The following PTPRT variants were observed in gnomAD, a reference collection of about 807,000 sequenced individuals.
The protein encoded by PTPRT is protein tyrosine phosphatase receptor type T, also known as receptor-type tyrosine-protein phosphatase T.
Under a neutral mutation model 176.8 loss-of-function variants are expected in PTPRT, and 56 were observed. The ratio of observed to expected loss-of-function variants is 0.32; its 90% CI spans 0.26 to 0.40. PTPRT has a LOEUF of 0.40. Among genes scored for constraint, PTPRT ranks in the 10% least tolerant of loss-of-function variants. The pLI, the probability that PTPRT is intolerant of heterozygous loss-of-function variation, is 1.00. For missense variants in PTPRT, 1,540 were observed against 1,908.2 expected (o/e 0.81, Z 3.60); for synonymous variants, 783 against 739.0 (o/e 1.06, Z -0.96).
At chr20:42,778,732 G>A (rs1044770569) in intron 4 of PTPRT, among the ~76,000 whole-genome samples, 4 of 152,320 alleles carry the variant, frequency 2.6e-5, no homozygotes, top group African/African-American at 7.2e-5. Flanking sequence ...CGAGTCCAGG[G>A]TGGGGAATAT....
intron 1 of PTPRT, among the ~76,000 whole-genome samples, chr20:42,902,584 A>G (rs891834564): frequency 1.3e-5 from 2 of 152,210 alleles, no homozygotes; most frequent in Middle Eastern, 3.2e-3. Context: ...TGCCCACTCA[A>G]TAATCCGGAA....
chr20:42,890,889 GT>G (rs1241183571), intron 1 of PTPRT, among the ~76,000 whole-genome samples: 1 of 152,112 alleles, frequency 6.6e-6, no homozygotes, highest in Non-Finnish European at 1.5e-5. Context: ...CATAGGGGTG[GT>G]TTCCCCCATA....
At chr20:42,679,352 G>A (rs1225288122) in intron 6 of PTPRT, among the ~76,000 whole-genome samples, 2 of 151,542 alleles carry the variant, frequency 1.3e-5, no homozygotes, top group African/African-American at 4.8e-5. Context: ...CAAGGTCATG[G>A]AGAAGGTAGT....
chr20:42,427,952 C>A (rs1347953090), intron 9 of PTPRT, among the ~76,000 whole-genome samples: 2 of 152,196 alleles, frequency 1.3e-5, no homozygotes, highest in Admixed American at 1.3e-4. Context: ...TTTTCCATTA[C>A]CTTCCCAAAT....
At chr20:42,198,597 T>G (rs1270109590) in intron 16 of PTPRT, among the ~76,000 whole-genome samples, 1 of 152,206 alleles carries the variant, frequency 6.6e-6, no homozygotes, top group Non-Finnish European at 1.5e-5. Context: ...CTTCTTAGGA[T>G]AAGGGTTAAC....
At chr20:42,162,172 A>C (rs529407543) in intron 16 of PTPRT, among the ~76,000 whole-genome samples, 1 of 152,082 alleles carries the variant, frequency 6.6e-6, no homozygotes, top group African/African-American at 2.4e-5. Context: ...CCTTCTTGCT[A>C]TTGTATAGTT....
At chr20:42,570,891 A>C (rs2073141242) in intron 7 of PTPRT, among the ~76,000 whole-genome samples, 2 of 143,354 alleles carry the variant, frequency 1.4e-5, no homozygotes, top group Admixed American at 1.4e-4. Flanking sequence ...CCTTTTTTGC[A>C]GTGTAAGGCA....
chr20:42,552,294 G>A (rs908425316), intron 7 of PTPRT, among the ~76,000 whole-genome samples: 2 of 152,158 alleles, frequency 1.3e-5, no homozygotes, highest in African/African-American at 4.8e-5. Flanking sequence ...AGATGCCACT[G>A]AAGACACATA....
chr20:42,904,893 T>C (rs2079454025), intron 1 of PTPRT, among the ~76,000 whole-genome samples: 1 of 152,210 alleles, frequency 6.6e-6, no homozygotes, highest in African/African-American at 2.4e-5. Context: ...GATCCCTTCC[T>C]TACATCTTAT....
chr20:42,456,309 C>T (rs780661791), intron 8 of PTPRT, among the ~76,000 whole-genome samples: 3 of 151,870 alleles, frequency 2.0e-5, no homozygotes, highest in Non-Finnish European at 2.9e-5. Flanking sequence ...TTTGGGTTAT[C>T]TATGTAGAGA....
the PTPRT span, among the ~76,000 whole-genome samples, chr20:42,042,806 G>C: frequency 6.6e-6 from 1 of 152,234 alleles, no homozygotes; most frequent in Non-Finnish European, 1.5e-5. Flanking sequence ...TCATGTTTCA[G>C]AATTTGCTCT....
chr20:42,656,632 T>C (rs2075129779), intron 7 of PTPRT, among the ~76,000 whole-genome samples: 1 of 152,152 alleles, frequency 6.6e-6, no homozygotes, highest in African/African-American at 2.4e-5. Context: ...AAATGCTCAC[T>C]GACCCAGCAA....
At chr20:42,686,100 T>C (rs973013234) in intron 6 of PTPRT, 5 of 152,234 alleles carry the variant, frequency 3.3e-5, no homozygotes, top group African/African-American at 9.7e-5. Context: ...CCTCTAATCA[T>C]TGCAACCACA....
rs149195827 is a variant in PTPRT, at chr20:42,197,731, A to G, written c.2491+1509T>C. Among the ~76,000 whole-genome samples, 35 of 152,240 alleles carry G rather than the reference A, an allele frequency of 2.3e-4. No homozygotes were observed. The East Asian group carries it at 6.6e-3, about 29-fold the overall frequency. On this transcript the variant is annotated intron_variant, in intron 16 of 30. Coordinates refer to ENST00000373187, the MANE Select transcript of PTPRT (RefSeq NM_007050.6). The stretch of plus-strand genomic sequence containing the variant: ...ATGATTCAGAAAATTTTGAAAAAAA[A>G]AACATGGATAAGGGGAGAAAGAGAG...
At chr20:42,269,213 C>G (rs1268852831) in intron 13 of PTPRT, among the ~76,000 whole-genome samples, 1 of 152,230 alleles carries the variant, frequency 6.6e-6, no homozygotes, top group Non-Finnish European at 1.5e-5. Context: ...ACAAGAATCT[C>G]CATCTCAGTC....
intron 27 of PTPRT, among the ~76,000 whole-genome samples, chr20:42,089,231 C>T (rs1047281487): frequency 6.6e-5 from 10 of 152,064 alleles, no homozygotes; most frequent in Non-Finnish European, 1.3e-4. Flanking sequence ...TTTCTCTTTG[C>T]CATTGGCTCT....
At chr20:42,881,748 A>AAAAAAAAAAG (rs2079015135) in intron 2 of PTPRT, among the ~76,000 whole-genome samples, 2 of 148,426 alleles carry the variant, frequency 1.3e-5, no homozygotes, top group African/African-American at 5.1e-5. Context: ...AAAAAAAAAA[A>AAAAAAAAAAG]AGAGAGAGAG....
At chr20:42,627,499 T>C (rs2074314656) in intron 7 of PTPRT, among the ~76,000 whole-genome samples, 1 of 152,018 alleles carries the variant, frequency 6.6e-6, no homozygotes, top group South Asian at 2.1e-4. Context: ...CTTGAACTCC[T>C]GGCATCAAGC....
At chr20:42,336,842 T>C (rs1002572856) in intron 11 of PTPRT, among the ~76,000 whole-genome samples, 3 of 152,186 alleles carry the variant, frequency 2.0e-5, no homozygotes, top group East Asian at 3.8e-4. Context: ...TAAAACTGAC[T>C]GCACACACAC....
Sources: gnomAD v4.1 joint callset for allele counts (sites outside exome capture counted in the v4.1 genomes callset) on GRCh38, gnomAD v4.1.1 for gene constraint, MANE v1.5 for transcripts, NCBI Gene and HGNC (gene_info 2026-07-23, HGNC 2026-07-21) for gene names.